Variants in PKNOX2 observed in about 807,000 individuals in gnomAD.
The protein encoded by PKNOX2 is homeobox protein PKNOX2.
In PKNOX2, 14 loss-of-function variants were observed where a neutral mutation model predicts 53.1. The observed-to-expected ratio is 0.26, with a 90% confidence interval of 0.17 to 0.41. PKNOX2 has a LOEUF of 0.41. Among genes scored for constraint, PKNOX2 ranks in the 10% least tolerant of loss-of-function variants. The pLI, the probability that PKNOX2 is intolerant of heterozygous loss-of-function variation, is 1.00. For missense variants in PKNOX2, 496 were observed against 602.8 expected (o/e 0.82, Z 1.85); for synonymous variants, 257 against 242.8 (o/e 1.06, Z -0.54).
chr11:125,413,438 A>G (rs1045376765), intron 10 of PKNOX2, among the ~76,000 whole-genome samples: 11 of 152,164 alleles, frequency 7.2e-5, no homozygotes, highest in African/African-American at 2.7e-4. Context: ...CGTCCATGCC[A>G]CAGCTCCCAG....
At chr11:125,232,392 C>T (rs952065355) in intron 1 of PKNOX2, among the ~76,000 whole-genome samples, 1 of 152,196 alleles carries the variant, frequency 6.6e-6, no homozygotes, top group Non-Finnish European at 1.5e-5. Context: ...TTCTACGAAC[C>T]TTTCAGTATA....
At chr11:125,293,871 C>T (rs891376434) in intron 2 of PKNOX2, among the ~76,000 whole-genome samples, 1 of 152,238 alleles carries the variant, frequency 6.6e-6, no homozygotes, top group Non-Finnish European at 1.5e-5. Context: ...TGGAACATCT[C>T]CCATCTCCCT....
intron 2 of PKNOX2, among the ~76,000 whole-genome samples, chr11:125,272,913 T>C (rs1015769085): frequency 4.6e-5 from 7 of 152,180 alleles, no homozygotes; most frequent in Non-Finnish European, 1.0e-4. Flanking sequence ...GCACTGACTG[T>C]CGGGTCTGGC....
chr11:125,414,746 G>GA (rs5795453), intron 10 of PKNOX2, among the ~76,000 whole-genome samples: 2,970 of 145,782 alleles, frequency 0.02, 90 homozygotes, highest in African/African-American at 0.067. Context: ...CTATTTCTTT[G>GA]AAAAAAAAAA....
At chr11:125,356,673 C>A (rs780210099) in intron 4 of PKNOX2, among the ~76,000 whole-genome samples, 9 of 152,238 alleles carry the variant, frequency 5.9e-5, no homozygotes, top group Non-Finnish European at 1.2e-4. Flanking sequence ...ACTGAGGAAG[C>A]CAGACCTGTC....
At chr11:125,333,194 G>T (rs1451767661) in intron 3 of PKNOX2, among the ~76,000 whole-genome samples, 1 of 152,178 alleles carries the variant, frequency 6.6e-6, no homozygotes, top group Non-Finnish European at 1.5e-5. Context: ...AGGGACAAGG[G>T]TTCTACACCT....
At chr11:125,390,857 A>G (rs12421908) in intron 6 of PKNOX2, among the ~76,000 whole-genome samples, 9,208 of 152,256 alleles carry the variant, frequency 0.06, 399 homozygotes, top group African/African-American at 0.12. Flanking sequence ...TTTCCACAAA[A>G]TATTTGTTTT....
intron 4 of PKNOX2, among the ~76,000 whole-genome samples, chr11:125,361,906 C>T (rs923768677): frequency 1.3e-5 from 2 of 152,232 alleles, no homozygotes; most frequent in African/African-American, 2.4e-5. Flanking sequence ...CCTCCAGGCT[C>T]CTCATAGCCT....
intron 1 of PKNOX2, among the ~76,000 whole-genome samples, chr11:125,196,119 G>A (rs557409467): frequency 6.6e-6 from 1 of 152,174 alleles, no homozygotes; most frequent in Admixed American, 6.5e-5. Context: ...TTAGAGGGGC[G>A]ACTTTTGCAC....
chr11:125,410,090 A>C (rs942711590), intron 7 of PKNOX2, 106 bp from the exon 8 acceptor site: 3 of 1,455,522 alleles, frequency 2.1e-6, no homozygotes, highest in Non-Finnish European at 2.8e-6. Flanking sequence ...AGCTAGAAGG[A>C]GGGAGGGGGG....
chr11:125,426,178 T>C (rs1465819689), intron 10 of PKNOX2, among the ~76,000 whole-genome samples: 1 of 152,194 alleles, frequency 6.6e-6, no homozygotes, highest in Non-Finnish European at 1.5e-5. Flanking sequence ...CCGTTAATAG[T>C]GGAAGAACTT....
chr11:125,372,351 G>T (rs1348389333), intron 5 of PKNOX2, among the ~76,000 whole-genome samples: 9 of 151,026 alleles, frequency 6.0e-5, no homozygotes, highest in Non-Finnish European at 1.0e-4. Flanking sequence ...AGGGAGCCAG[G>T]TTCCAGGCGC....
intron 2 of PKNOX2, chr11:125,239,985 A>G (rs190435731): frequency 2.0e-5 from 3 of 152,394 alleles, no homozygotes; most frequent in East Asian, 3.9e-4. Context: ...GTGGTAAAAA[A>G]TAATGGCTGT....
Position 125,396,557 on chromosome 11 carries a change from C to A in PKNOX2, c.400-1317C>A, listed in dbSNP as rs1954411767. ...TTCCTGTCACTTCTGGGAATTCATCCTAAAGAATAATGCAGAAACTTTTAA... is the reference window on the plus strand; with the variant it reads ...TTCCTGTCACTTCTGGGAATTCATCATAAAGAATAATGCAGAAACTTTTAA... On this transcript the variant is annotated intron_variant, in intron 6 of 12. Transcript: ENST00000298282. 3.4e-5 allele frequency among the ~76,000 whole-genome samples: 5 copies of A among 145,238 alleles called. No homozygotes were observed. In the South Asian group the frequency reaches 8.7e-4, roughly 25 times the overall value.
chr11:125,333,952 C>T (rs1012660297), intron 3 of PKNOX2, among the ~76,000 whole-genome samples: 7 of 152,122 alleles, frequency 4.6e-5, no homozygotes, highest in East Asian at 1.9e-4. Flanking sequence ...CACGTGTAAA[C>T]GACAAACCCT....
rs373391503 is a variant in PKNOX2, at chr11:125,398,025, A to G, written c.551A>G (p.Tyr184Cys). The change falls in exon 7 of 13, where the codon TAC (tyrosine) becomes TGC (cysteine). Residue 184 changes from tyrosine (Y) to cysteine (C), a missense_variant. Transcript: ENST00000298282. ...NLLRNDLGGP[Y>C]SPNQPSINLH... is the part of the protein sequence containing the mutation. ...CTCAGGAATGATCTAGGGGGGCCCT[A>G]CTCCCCCAACCAGCCCTCCATCAAC... 1 of 1,613,170 alleles carries G rather than the reference A, an allele frequency of 6.2e-7. No individual in the cohort carries two copies. The highest frequency in any genetic ancestry group is 1.1e-5 in the South Asian group (1 of 90,942).
intron 2 of PKNOX2, among the ~76,000 whole-genome samples, chr11:125,305,739 G>A (rs1394011714): frequency 6.6e-6 from 1 of 152,210 alleles, no homozygotes; most frequent in Admixed American, 6.5e-5. Context: ...GAAGGGAGGG[G>A]AGAGAAGAGG....
chr11:125,398,171 G>A, intron 7 of PKNOX2, 109 bp downstream of exon 7: 1 of 1,188,856 alleles, frequency 8.4e-7, no homozygotes, highest in Non-Finnish European at 1.2e-6. Context: ...TAGACCCACT[G>A]GGTTCCTTTG....
chr11:125,218,126 T>C (rs1231720352), intron 1 of PKNOX2, among the ~76,000 whole-genome samples: 3 of 152,180 alleles, frequency 2.0e-5, no homozygotes, highest in African/African-American at 4.8e-5. Flanking sequence ...GGGAGGGCTT[T>C]GGTTCTGAGG....
Sources: allele counts gnomAD v4.1 joint callset (sites outside exome capture counted in the v4.1 genomes callset), GRCh38; gene constraint gnomAD v4.1.1; transcripts MANE v1.5; gene names NCBI Gene and HGNC (gene_info 2026-07-23, HGNC 2026-07-21).